GRIK4: variants seen among roughly 807,000 people sequenced by gnomAD.
The protein encoded by GRIK4 is glutamate receptor ionotropic, kainate 4.
A neutral mutation model predicts 104.9 loss-of-function variants in GRIK4; 40 were observed. That is an observed-to-expected ratio of 0.38 (90% CI 0.30 to 0.50). The LOEUF (loss-of-function observed/expected upper bound fraction) is 0.50, where lower values mean the gene tolerates loss of function less well. Among genes scored for constraint, GRIK4 ranks in the 20% least tolerant of loss-of-function variants. GRIK4 has a pLI of 0.93. For missense variants in GRIK4, 1,047 were observed against 1,308.1 expected, an observed-to-expected ratio of 0.80 and a Z score of 3.08; for synonymous variants, 485 against 524.9, an observed-to-expected ratio of 0.92 and a Z score of 1.04.
At chr11:120,544,249 A>G (rs1948064341) in intron 1 of GRIK4, among the ~76,000 whole-genome samples, 1 of 152,220 alleles carries the variant, frequency 6.6e-6, no homozygotes, top group African/African-American at 2.4e-5. Flanking sequence ...CTTGTCCCCA[A>G]ACTCATCAAG....
intron 4 of GRIK4, among the ~76,000 whole-genome samples, chr11:120,804,009 C>T (rs1240582097): frequency 6.6e-6 from 1 of 152,164 alleles, no homozygotes. Flanking sequence ...TCCATGAGAC[C>T]TCCCTACAGT....
At chr11:120,614,934 G>A (rs919861056) in intron 1 of GRIK4, among the ~76,000 whole-genome samples, 13 of 152,196 alleles carry the variant, frequency 8.5e-5, no homozygotes, top group Admixed American at 7.2e-4. Context: ...AGGAGGCGGA[G>A]CTTGCAGTGA....
At chr11:120,597,889 C>T (rs1032143417) in intron 1 of GRIK4, among the ~76,000 whole-genome samples, 6 of 152,150 alleles carry the variant, frequency 3.9e-5, no homozygotes, top group Non-Finnish European at 8.8e-5. Flanking sequence ...GTTGAAGACT[C>T]CTGTTCCGAG....
intron 11 of GRIK4, among the ~76,000 whole-genome samples, chr11:120,889,363 G>T (rs1955208643): frequency 6.6e-6 from 1 of 152,076 alleles, no homozygotes; most frequent in Admixed American, 6.5e-5. Flanking sequence ...CCTGGCCATA[G>T]TGTTTTCACC....
At chr11:120,860,872 C>T (rs1476132441) in intron 8 of GRIK4, among the ~76,000 whole-genome samples, 1 of 152,136 alleles carries the variant, frequency 6.6e-6, no homozygotes. Flanking sequence ...GGACAAAGGG[C>T]ACATTCCCAA....
intron 3 of GRIK4, among the ~76,000 whole-genome samples, chr11:120,673,190 A>G (rs997883356): frequency 6.6e-6 from 1 of 152,194 alleles, no homozygotes; most frequent in Non-Finnish European, 1.5e-5. Flanking sequence ...CCATGGGGAA[A>G]AACCCTTTGT....
intron 9 of GRIK4, among the ~76,000 whole-genome samples, chr11:120,866,199 G>C (rs1187190736): frequency 6.6e-6 from 1 of 152,312 alleles, no homozygotes; most frequent in East Asian, 1.9e-4. Flanking sequence ...GAAGATCAAA[G>C]CCGCTGTTAT....
intron 6 of GRIK4, among the ~76,000 whole-genome samples, chr11:120,831,089 G>C (rs1953416949): frequency 6.6e-6 from 1 of 152,206 alleles, no homozygotes; most frequent in South Asian, 2.1e-4. Flanking sequence ...CCTTTTTTCT[G>C]TTTTGTTCTG....
intron 8 of GRIK4, chr11:120,858,186 T>G (rs1445280835): frequency 6.6e-6 from 1 of 152,276 alleles, no homozygotes; most frequent in South Asian, 2.1e-4. Flanking sequence ...GCAGTGTGGC[T>G]GGGGCGGGGT....
chr11:120,958,781 C>A (rs931157828), intron 16 of GRIK4, among the ~76,000 whole-genome samples: 2 of 152,204 alleles, frequency 1.3e-5, no homozygotes, highest in Non-Finnish European at 2.9e-5. Flanking sequence ...GTAGCCAACT[C>A]TGAAGTCATG....
At chr11:120,770,944 A>G (rs760604865) in intron 3 of GRIK4, among the ~76,000 whole-genome samples, 10 of 152,240 alleles carry the variant, frequency 6.6e-5, no homozygotes, top group Non-Finnish European at 1.0e-4. Context: ...TCTGTTGTTT[A>G]TAAGTCACCT....
At chr11:120,737,512 C>T (rs1310680670) in intron 3 of GRIK4, among the ~76,000 whole-genome samples, 1 of 152,220 alleles carries the variant, frequency 6.6e-6, no homozygotes, top group African/African-American at 2.4e-5. Flanking sequence ...TTGAACTGCA[C>T]GGAAGTATGC....
At chr11:120,780,537 A>G (rs1005002408) in intron 3 of GRIK4, among the ~76,000 whole-genome samples, 2 of 152,182 alleles carry the variant, frequency 1.3e-5, no homozygotes, top group African/African-American at 4.8e-5. Flanking sequence ...GTGGCCGGAC[A>G]CTTGGGTTGC....
chr11:120,633,032 A>G (rs1352846489), intron 1 of GRIK4, among the ~76,000 whole-genome samples: 1 of 152,062 alleles, frequency 6.6e-6, no homozygotes, highest in East Asian at 1.9e-4. Flanking sequence ...CCAGGCACAC[A>G]AACAGATGAT....
In GRIK4 at chr11:120,982,091, A is replaced by G; in HGVS notation, c.2396-15A>G. 7.0e-7 allele frequency: 1 copy of G among 1,425,966 alleles called. No homozygotes were observed. 88.3% of individuals were successfully genotyped at this position (1,425,966 alleles called of 1,614,324 possible). A position where few individuals can be genotyped will look rare whatever the true frequency, so the allele number is the denominator to read the frequency against. On this transcript the variant is annotated splice_polypyrimidine_tract_variant and intron_variant, in intron 19 of 20. Coordinates refer to ENST00000527524, the MANE Select transcript of GRIK4 (RefSeq NM_014619.5). ...TCTTTTACAATATTTTTCATTTGTT[A>G]TCACTTTCTTACAGGCCTGGGAATG...
At chr11:120,695,244 C>T (rs1950424559) in intron 3 of GRIK4, among the ~76,000 whole-genome samples, 1 of 152,232 alleles carries the variant, frequency 6.6e-6, no homozygotes. Flanking sequence ...CCCAACATGG[C>T]TGTGAGTAGG....
Position 120,986,328 on chromosome 11 carries a change from G to A in GRIK4, c.*68G>A. 2 of 1,412,270 alleles carry A rather than the reference G, an allele frequency of 1.4e-6. No homozygotes were observed. The highest frequency in any genetic ancestry group is 1.8e-6 in the Non-Finnish European group (2 of 1,088,130). The allele number at this position is 1,412,270 out of a possible 1,614,324, so 87.5% of individuals were successfully genotyped here. A position where few individuals can be genotyped will look rare whatever the true frequency, so the allele number is the denominator to read the frequency against. On this transcript the variant is annotated 3_prime_UTR_variant, in exon 21 of 21. Coordinates refer to ENST00000527524, the MANE Select transcript of GRIK4 (RefSeq NM_014619.5). ...GGGGAGGGGCGGGGCGGGCGCTGCT[G>A]TCAGCCGCCAGCCGGAACTTGTACA...
intron 4 of GRIK4, among the ~76,000 whole-genome samples, chr11:120,806,220 CTCTT>C (rs2135518171): frequency 6.6e-6 from 1 of 152,304 alleles, no homozygotes; most frequent in African/African-American, 2.4e-5. Flanking sequence ...TCCCCCCTCT[CTCTT>C]GTTTCAAGGT....
chr11:120,833,193 T>C (rs1953479175), intron 7 of GRIK4, among the ~76,000 whole-genome samples: 1 of 151,980 alleles, frequency 6.6e-6, no homozygotes, highest in Admixed American at 6.6e-5. Context: ...CCCGTTGCTA[T>C]AGTAATCTTC....
Sources: allele counts gnomAD v4.1 joint callset (sites outside exome capture counted in the v4.1 genomes callset), GRCh38; gene constraint gnomAD v4.1.1; transcripts MANE v1.5; gene names NCBI Gene and HGNC (gene_info 2026-07-23, HGNC 2026-07-21).